The following MZF1 variants were observed in gnomAD, a reference collection of about 807,000 sequenced individuals.
MZF1 encodes the protein myeloid zinc finger 1, also known as zinc finger and SCAN domain-containing protein 6.
In MZF1, 24 loss-of-function variants were observed where a neutral mutation model predicts 28.6. The observed-to-expected ratio is 0.84, with a 90% CI of 0.61 to 1.18. MZF1 has a LOEUF of 1.18. MZF1 is among the 50% of genes most tolerant of loss of function. The pLI is 0.00. For synonymous variants in MZF1, 516 were observed against 432.5 expected (o/e 1.19, Z -2.40); for missense variants, 1,166 against 1,026.4 (o/e 1.14, Z -1.86).
At position 58,563,010 on chromosome 19, in the gene MZF1, G is replaced by T. The variant is rs1363270477; in HGVS notation, c.1267C>A (p.Arg423Ser). 6.2e-7 allele frequency: 1 copy of T among 1,601,958 alleles called. No homozygotes were observed. The highest frequency in any genetic ancestry group is 1.7e-5 in the Admixed American group (1 of 59,976). Residue 423 changes from arginine to serine, a missense_variant, in exon 6 of 6, where the codon CGC becomes AGC. Arg to Ser is a moderately radical substitution (Grantham distance 110). Coordinates refer to ENST00000215057, the MANE Select transcript of MZF1 (RefSeq NM_198055.2). ...VCGDCGQGFV[R>S]SARLEEHRRV... Reference sequence around the variant, plus strand: ...CGATGCTCTTCCAGGCGCGCGCTGCGCACGAAGCCCTGGCCACAGTCGCCG... The same window carrying T: ...CGATGCTCTTCCAGGCGCGCGCTGCTCACGAAGCCCTGGCCACAGTCGCCG...
In MZF1 at chr19:58,563,036, C is replaced by A. The variant is rs1482746116; in HGVS notation, c.1241G>T (p.Cys414Phe). The A allele has an allele frequency of 5.0e-6, 8 of 1,602,072 alleles. No individual in the cohort carries two copies. The highest frequency in any genetic ancestry group is 6.8e-6 in the Non-Finnish European group (8 of 1,179,608). ...CACGAAGCCCTGGCCACAGTCGCCG[C>A]ACACGAACGGCCGCTCCTCGGTGTG... ...LTHTEERPFV[C>F]GDCGQGFVRS... Residue 414 changes from cysteine to phenylalanine, a missense_variant, in exon 6 of 6, where the codon TGC becomes TTC. Physicochemically the swap from Cys to Phe is radical, Grantham distance 205. Coordinates refer to ENST00000215057, the MANE Select transcript of MZF1 (RefSeq NM_198055.2).
intron 5 of MZF1, among the ~76,000 whole-genome samples, chr19:58,567,125 C>T (rs1270275635): frequency 2.0e-5 from 3 of 152,176 alleles, no homozygotes; most frequent in Non-Finnish European, 4.4e-5. Context: ...CCAGGATGGT[C>T]TCGAACTCTT....
Position 58,570,538 on chromosome 19 carries a change from GCCC to G in MZF1, c.397-14_397-12del. On this transcript the variant is annotated splice_polypyrimidine_tract_variant and intron_variant, in intron 2 of 5. Transcript: ENST00000215057. The stretch of plus-strand genomic sequence containing the variant: ...CACCTGGACTGTGACCTGGGGAGGT[GCCC>G]CCACCATCAGAAGTCCTACCAGAGA... 6.2e-7 allele frequency: 1 copy of G among 1,608,230 alleles called. No individual in the cohort carries two copies. Among genetic ancestry groups the G allele is most frequent in the Non-Finnish European group, 8.5e-7 (1 of 1,177,190 alleles).
At chr19:58,570,904 C>T (rs1295450291) in intron 2 of MZF1, 90 bp downstream of exon 2, 8 of 1,395,940 alleles carry the variant, frequency 5.7e-6, no homozygotes, top group East Asian at 2.3e-5. Flanking sequence ...CAAGGGAGAA[C>T]GTGTGTCTGG....
chr19:58,562,934 C>T lies in MZF1; in HGVS notation c.1343G>A (p.Ser448Asn), dbSNP rs750495390. 2 of 1,597,152 alleles carry T rather than the reference C, an allele frequency of 1.3e-6. No homozygotes were observed. The highest frequency in any genetic ancestry group is 1.7e-6 in the Non-Finnish European group (2 of 1,176,996). ...QPFRCAECGQ[S>N]FRQRSNLLQH... ...CAGCAGATTGGAGCGCTGCCGGAAGCTCTGGCCGCACTCAGCGCAACGGAA... is the reference window on the plus strand; with the variant it reads ...CAGCAGATTGGAGCGCTGCCGGAAGTTCTGGCCGCACTCAGCGCAACGGAA... The change falls in exon 6 of 6, where the codon AGC (serine) becomes AAC (asparagine). Residue 448 changes from serine to asparagine, a missense_variant. Transcript: ENST00000215057.
chr19:58,572,098 C>A (rs913961811), intron 1 of MZF1: 2 of 168,020 alleles, frequency 1.2e-5, no homozygotes, highest in African/African-American at 4.8e-5. Flanking sequence ...CACCTATACA[C>A]CTACAGCCTG....
intron 2 of MZF1, 192 bp from the exon 3 acceptor site, chr19:58,570,719 C>G: frequency 1.5e-6 from 1 of 681,068 alleles, no homozygotes; most frequent in Non-Finnish European, 2.4e-6. Context: ...CAGTCCCTCC[C>G]CTGCTCTGAC....
At chr19:58,566,701 T>C (rs868372528) in intron 5 of MZF1, among the ~76,000 whole-genome samples, 7 of 152,180 alleles carry the variant, frequency 4.6e-5, no homozygotes, top group Middle Eastern at 3.4e-3. Flanking sequence ...GAGCCAGGTG[T>C]GGTGACTTGA....
chr19:58,569,426 G>T (rs2054115958), intron 4 of MZF1, 29 bp from the exon 5 acceptor site: 1 of 1,614,056 alleles, frequency 6.2e-7, no homozygotes, highest in African/African-American at 1.3e-5. Flanking sequence ...CTGCTCCTCT[G>T]TGCCTGGCTG....
At chr19:58,572,040 G>C (rs978749622) in intron 1 of MZF1, 5 of 158,516 alleles carry the variant, frequency 3.2e-5, no homozygotes, top group Admixed American at 3.1e-4. Flanking sequence ...TCTTCTACAT[G>C]TGCAACCTCA....
At chr19:58,568,609 A>G (rs2054099665) in intron 5 of MZF1, 1 of 152,248 alleles carries the variant, frequency 6.6e-6, no homozygotes, top group Admixed American at 6.5e-5. Flanking sequence ...AGGGCTAGAC[A>G]ATGTGTTTCA....
At chr19:58,573,021 A>G (rs1233428734) in intron 1 of MZF1, 34 bp downstream of exon 1, 1 of 168,448 alleles carries the variant, frequency 5.9e-6, no homozygotes, top group South Asian at 9.4e-5. Flanking sequence ...CGTCCACACG[A>G]TAGCCCTCCC....
chr19:58,562,426 C>T lies in MZF1; in HGVS notation c.1851G>A (p.Arg617=), dbSNP rs144459994. Residue 617 remains arginine (R), a synonymous_variant, in exon 6 of 6, where the codon AGG becomes AGA. Transcript: ENST00000215057. Reference sequence around the variant, plus strand: ...GGTAGGGCTTTTCGCCGGTGTGTGTCCTCTGATGACGCGTGAGCTTGAGGC... The same window carrying T: ...GGTAGGGCTTTTCGCCGGTGTGTGTTCTCTGATGACGCGTGAGCTTGAGGC... ...SQRLKLTRHQ[R]THTGEKPYHC... is the part of the protein sequence containing the mutation. 18 of 1,608,374 alleles carry T rather than the reference C, an allele frequency of 1.1e-5. No individual in the cohort carries two copies. The African/African-American group carries it at 1.9e-4, about 17-fold the overall frequency.
At position 58,570,414 on chromosome 19, in the gene MZF1, A is replaced by T. The variant is rs780083578; in HGVS notation, c.510T>A (p.Pro170=). The T allele has an allele frequency of 4.3e-6, 7 of 1,613,726 alleles. No homozygotes were observed. In the Admixed American group the frequency reaches 1.0e-4, roughly 23 times the overall value. ...PPTPEPGPKT[P]PRTMQESPLG... is the part of the protein sequence containing the mutation. ...GTGGTGATTCCTGCATAGTCCTAGG[A>T]GGTGTCTTGGGCCCAGGCTCTGGAG... is the stretch of plus-strand genomic sequence containing the variant. Residue 170 remains proline (P), a synonymous_variant, in exon 3 of 6, where the codon CCT becomes CCA. Coordinates refer to ENST00000215057, the MANE Select transcript of MZF1 (RefSeq NM_198055.2).
chr19:58,569,165 A>G lies in MZF1; in HGVS notation c.772+112T>C, dbSNP rs1045831041. On this transcript the variant is annotated intron_variant, in intron 5 of 5. Transcript: ENST00000215057. ...AGGGGATGATCTAGGGAATGGGGGA[A>G]CTTGGGGATGCTGGAGTAAGAGGGC... is the stretch of plus-strand genomic sequence containing the variant. 3.7e-6 allele frequency: 5 copies of G among 1,357,638 alleles called. No homozygotes were observed. The African/African-American group carries it at 7.4e-5, about 20-fold the overall frequency. 84.1% of individuals were successfully genotyped at this position (1,357,638 alleles called of 1,614,324 possible). A position where few individuals can be genotyped will look rare whatever the true frequency, so the allele number is the denominator to read the frequency against.
chr19:58,571,584 T>G, intron 1 of MZF1, 155 bp from the exon 2 acceptor site: 1 of 708,048 alleles, frequency 1.4e-6, no homozygotes, highest in Non-Finnish European at 2.3e-6. Context: ...CACAGACTTA[T>G]GCAGCTGGAA....
Position 58,563,427 on chromosome 19 carries a change from C to T in MZF1, c.850G>A (p.Gly284Ser), listed in dbSNP as rs775401765. The T allele has an allele frequency of 5.7e-6, 9 of 1,591,492 alleles. No homozygotes were observed. The highest frequency in any genetic ancestry group is 7.7e-6 in the Non-Finnish European group (9 of 1,169,006). Residue 284 changes from glycine (G) to serine (S), a missense_variant, in exon 6 of 6, where the codon GGC becomes AGC. Physicochemically the swap from Gly to Ser is moderately conservative, Grantham distance 56 (BLOSUM62 0). Transcript: ENST00000215057. ...SPHLHVPWDL[G>S]MAGLSGQIQS... is the part of the protein sequence containing the mutation. ...ATCTGGCCAGAAAGGCCAGCCATGC[C>T]GAGGTCCCAGGGGACGTGGAGGTGA...
intron 1 of MZF1, chr19:58,572,623 G>C: frequency 7.8e-7 from 1 of 1,289,538 alleles, no homozygotes; most frequent in Non-Finnish European, 1.0e-6. Context: ...GGATGGCACC[G>C]CAGAATCATT....
Position 58,563,349 on chromosome 19 carries a change from C to A in MZF1, c.928G>T (p.Asp310Tyr). Residue 310 changes from aspartate (D) to tyrosine (Y), a missense_variant, in exon 6 of 6, where the codon GAT (aspartate) becomes TAT (tyrosine). Asp to Tyr is a radical substitution (Grantham distance 160). Coordinates refer to ENST00000215057, the MANE Select transcript of MZF1 (RefSeq NM_198055.2). ...GTGGGGTCCTGTTCACTCCTCAGAT[C>A]GCTGGGGAGCAGAAGCGCATGCGCA... ...GFAHALLLPS[D>Y]LRSEQDPTDE... is the part of the protein sequence containing the mutation. The A allele has an allele frequency of 6.2e-7, 1 of 1,608,380 alleles. No homozygotes were observed. The highest frequency in any genetic ancestry group is 8.5e-7 in the Non-Finnish European group (1 of 1,177,598).
Sources: allele counts gnomAD v4.1 joint callset (sites outside exome capture counted in the v4.1 genomes callset), GRCh38; gene constraint gnomAD v4.1.1; transcripts MANE v1.5; gene names NCBI Gene and HGNC (gene_info 2026-07-23, HGNC 2026-07-21).